The following KAT14 variants were observed in gnomAD, a reference collection of about 807,000 sequenced individuals.
KAT14 encodes lysine acetyltransferase 14.
KAT14 carries 66 observed loss-of-function variants against 78.4 expected under a neutral mutation model. The ratio of observed to expected loss-of-function variants is 0.84; its 90% CI spans 0.69 to 1.03. KAT14 has a LOEUF of 1.03. Ranked by LOEUF, KAT14 falls within the 50% of genes least tolerant of loss-of-function variation. The probability of loss-of-function intolerance (pLI) is 0.00; values close to 1 mark genes in which losing one functional copy is unlikely to be tolerated. For synonymous variants in KAT14, 344 were observed against 359.4 expected, an observed-to-expected ratio of 0.96 and a Z score of 0.48; for missense variants, 870 against 972.5, an observed-to-expected ratio of 0.89 and a Z score of 1.40.
Position 18,162,642 on chromosome 20 carries a change from A to T in KAT14, c.1365A>T (p.Lys455Asn). ...AGCTGGAGAAGGACACAAAGCCGAA[A>T]GAGCCCAGGTATACTCCCGTGAGCA... ...KPQLEKDTKPKEPRYTPVSIY... is the reference protein window; with the variant it reads ...KPQLEKDTKPNEPRYTPVSIY... The change falls in exon 7 of 11, where the codon AAA becomes AAT. Residue 455 changes from lysine (K) to asparagine (N), a missense_variant. Lys to Asn is a moderately conservative substitution (Grantham distance 94). Transcript: ENST00000688188. 1 of 1,614,234 alleles carries T rather than the reference A, an allele frequency of 6.2e-7. No homozygotes were observed. The highest frequency in any genetic ancestry group is 1.6e-4 in the Middle Eastern group (1 of 6,062).
chr20:18,149,565 G>A (rs1331964133), intron 3 of KAT14, among the ~76,000 whole-genome samples: 3 of 152,220 alleles, frequency 2.0e-5, no homozygotes, highest in Non-Finnish European at 4.4e-5. Context: ...TTTGAGTGGT[G>A]TAGATATTGC....
chr20:18,139,675 T>TGTGTGTGTGTGTGTG (rs1568660988), intron 1 of KAT14, among the ~76,000 whole-genome samples: 5 of 103,736 alleles, frequency 4.8e-5, no homozygotes, highest in Admixed American at 1.1e-4. Flanking sequence ...TGTGTGTGTG[T>TGTGTGTGTGTGTGTG]TTATTTTTTT....
Position 18,181,699 on chromosome 20 carries a change from C to T in KAT14, c.1669-11C>T. ...AATTATTTCTATATAACCAGTGTTTCTTTCTCATAGACTTCCTTGCCGTCC... is the reference window on the plus strand; with the variant it reads ...AATTATTTCTATATAACCAGTGTTTTTTTCTCATAGACTTCCTTGCCGTCC... On this transcript the variant is annotated splice_polypyrimidine_tract_variant and intron_variant, in intron 7 of 10. Coordinates refer to ENST00000688188, the MANE Select transcript of KAT14 (RefSeq NM_001392073.1). 6.2e-7 allele frequency: 1 copy of T among 1,614,042 alleles called. No homozygotes were observed. The highest frequency in any genetic ancestry group is 1.3e-5 in the African/African-American group (1 of 75,050).
chr20:18,168,767 T>C (rs2146464578), intron 7 of KAT14, among the ~76,000 whole-genome samples: 1 of 152,312 alleles, frequency 6.6e-6, no homozygotes, highest in South Asian at 2.1e-4. Context: ...AACTCTGTTC[T>C]TTTGGTCAGA....
At chr20:18,168,730 T>G (rs2038747555) in intron 7 of KAT14, among the ~76,000 whole-genome samples, 1 of 152,154 alleles carries the variant, frequency 6.6e-6, no homozygotes, top group Admixed American at 6.5e-5. Context: ...ACAGAAATTG[T>G]GTTTGTTCTC....
intron 7 of KAT14, among the ~76,000 whole-genome samples, chr20:18,172,423 G>A (rs1417024085): frequency 6.7e-6 from 1 of 149,412 alleles, no homozygotes; most frequent in Admixed American, 6.7e-5. Context: ...TTTTGAGACA[G>A]TGTCTCGCTG....
chr20:18,187,252 A>C (rs772572320), intron 10 of KAT14, 34 bp from the exon 11 acceptor site: 1 of 1,565,992 alleles, frequency 6.4e-7, no homozygotes, highest in Non-Finnish European at 8.6e-7. Context: ...AGGCCTTTCC[A>C]TTTTTATCTT....
chr20:18,170,875 A>G (rs1357252229), intron 7 of KAT14, among the ~76,000 whole-genome samples: 1 of 152,184 alleles, frequency 6.6e-6, no homozygotes, highest in Non-Finnish European at 1.5e-5. Flanking sequence ...GCTCATTGAC[A>G]ATGTACCTGG....
intron 7 of KAT14, among the ~76,000 whole-genome samples, chr20:18,174,732 C>T (rs139427362): frequency 7.4e-4 from 111 of 149,592 alleles, no homozygotes; most frequent in African/African-American, 1.8e-3. Flanking sequence ...GATGCGATCT[C>T]GGCTCACTGC....
intron 7 of KAT14, among the ~76,000 whole-genome samples, chr20:18,176,624 G>C (rs75373815): frequency 0.022 from 3,364 of 152,286 alleles, 50 homozygotes; most frequent in Middle Eastern, 0.037. Context: ...GGAAGGCCCA[G>C]GCGCAGGCCC....
At chr20:18,164,590 T>G (rs1169071295) in intron 7 of KAT14, among the ~76,000 whole-genome samples, 1 of 147,250 alleles carries the variant, frequency 6.8e-6, no homozygotes, top group African/African-American at 2.5e-5. Flanking sequence ...TATGCTTTTG[T>G]TAGTCATCTA....
intron 3 of KAT14, among the ~76,000 whole-genome samples, chr20:18,149,142 A>G (rs1413759135): frequency 1.3e-5 from 2 of 152,242 alleles, no homozygotes; most frequent in East Asian, 3.8e-4. Flanking sequence ...CTCTTCTGAG[A>G]GTGGGCAAAG....
intron 7 of KAT14, among the ~76,000 whole-genome samples, chr20:18,175,873 T>C (rs2146498544): frequency 6.6e-6 from 1 of 151,006 alleles, no homozygotes. Context: ...AATACAAAAA[T>C]TAGCCAGGTG....
intron 1 of KAT14, among the ~76,000 whole-genome samples, chr20:18,141,473 A>AT (rs1001363401): frequency 1.3e-5 from 2 of 152,104 alleles, no homozygotes; most frequent in Non-Finnish European, 2.9e-5. Context: ...AGTAATCTGC[A>AT]TTTTTTCTGT....
At chr20:18,139,563 G>T (rs2037443020) in intron 1 of KAT14, among the ~76,000 whole-genome samples, 1 of 151,980 alleles carries the variant, frequency 6.6e-6, no homozygotes, top group Non-Finnish European at 1.5e-5. Flanking sequence ...TTTAACACAG[G>T]ACTAAGCACC....
At chr20:18,183,934 G>A (rs911960945) in intron 9 of KAT14, among the ~76,000 whole-genome samples, 3 of 152,172 alleles carry the variant, frequency 2.0e-5, no homozygotes, top group African/African-American at 4.8e-5. Flanking sequence ...TGTTAGATAC[G>A]ATTTCATCAA....
In KAT14 at chr20:18,148,816, G is replaced by T. The variant is rs564990955; in HGVS notation, c.379-2005G>T. 3.3e-5 allele frequency among the ~76,000 whole-genome samples: 5 copies of T among 151,622 alleles called. No individual in the cohort carries two copies. In the South Asian group the frequency reaches 1.0e-3, roughly 32 times the overall value. On this transcript the variant is annotated intron_variant, in intron 3 of 10. Transcript: ENST00000688188. ...GTAGAGACGGGGTTTCACCATGTTG[G>T]CCAGGCTGGTCTTGAACTCCTGACC...
chr20:18,144,359 C>T (rs2037737215), intron 2 of KAT14, among the ~76,000 whole-genome samples: 1 of 152,218 alleles, frequency 6.6e-6, no homozygotes, highest in African/African-American at 2.4e-5. Flanking sequence ...CAGGACCCTG[C>T]TAACTGTAGT....
At chr20:18,152,153 T>C (rs948874193) in intron 4 of KAT14, among the ~76,000 whole-genome samples, 3 of 152,124 alleles carry the variant, frequency 2.0e-5, no homozygotes, top group Admixed American at 6.6e-5. Context: ...GGTTATTATA[T>C]TCTTTTAAGC....
Sources: gnomAD v4.1 joint callset for allele counts (sites outside exome capture counted in the v4.1 genomes callset) on GRCh38, gnomAD v4.1.1 for gene constraint, MANE v1.5 for transcripts, NCBI Gene and HGNC (gene_info 2026-07-23, HGNC 2026-07-21) for gene names.